Variants in PAN3 observed in about 807,000 individuals in gnomAD.
The protein encoded by PAN3 is PAN2-PAN3 deadenylation complex subunit PAN3.
In PAN3, 19 loss-of-function variants were observed where a neutral mutation model predicts 96.2. The ratio of observed to expected loss-of-function variants is 0.20; its 90% confidence interval spans 0.14 to 0.29. The LOEUF (loss-of-function observed/expected upper bound fraction) is 0.29, where lower values mean the gene tolerates loss of function less well. PAN3 is among the 10% of genes least tolerant of loss of function. The pLI is 1.00. For synonymous variants in PAN3, 433 were observed against 406.6 expected, an observed-to-expected ratio of 1.06 and a Z score of -0.78; for missense variants, 882 against 1,108.1, an observed-to-expected ratio of 0.80 and a Z score of 2.90.
Position 28,197,469 on chromosome 13 carries a change from A to C in PAN3, c.852+123A>C, listed in dbSNP as rs1418448484. ...AGCTGGTATACTTAGGTAATTAAAA[A>C]AATTTTTAATCAGAATAAAGTTAGT... On this transcript the variant is annotated intron_variant, in intron 5 of 18. Coordinates refer to ENST00000380958, the MANE Select transcript of PAN3 (RefSeq NM_175854.8). 4 of 928,134 alleles carry C rather than the reference A, an allele frequency of 4.3e-6. No homozygotes were observed. In the East Asian group the frequency reaches 1.1e-4, roughly 26 times the overall value. 57.5% of individuals were successfully genotyped at this position (928,134 alleles called of 1,614,324 possible).
intron 6 of PAN3, among the ~76,000 whole-genome samples, chr13:28,225,856 C>T (rs1881944814): frequency 1.3e-5 from 2 of 152,156 alleles, no homozygotes; most frequent in South Asian, 2.1e-4. Flanking sequence ...GACAAGGTGG[C>T]GTCAGGCAAC....
chr13:28,163,747 A>G (rs1388290648), intron 1 of PAN3, among the ~76,000 whole-genome samples: 2 of 152,144 alleles, frequency 1.3e-5, no homozygotes, highest in African/African-American at 4.8e-5. Context: ...ACTGGAGGAG[A>G]AAGTTCAATC....
chr13:28,236,519 GA>G (rs146997638), intron 6 of PAN3, among the ~76,000 whole-genome samples: 2 of 152,132 alleles, frequency 1.3e-5, no homozygotes, highest in East Asian at 1.9e-4. Context: ...GGATGTAAAG[GA>G]AAAAACTTTC....
intron 1 of PAN3, among the ~76,000 whole-genome samples, chr13:28,159,225 G>C (rs1303962090): frequency 6.6e-6 from 1 of 152,154 alleles, no homozygotes; most frequent in East Asian, 1.9e-4. Flanking sequence ...TGGTAGACCA[G>C]ATAAAGAAAA....
At chr13:28,216,811 A>G (rs1465291659) in intron 5 of PAN3, among the ~76,000 whole-genome samples, 1 of 138,226 alleles carries the variant, frequency 7.2e-6, no homozygotes, top group African/African-American at 3.2e-5. Flanking sequence ...TTGTCTTTCC[A>G]TCTAATTAAA....
intron 5 of PAN3, among the ~76,000 whole-genome samples, chr13:28,210,763 C>A (rs981350934): frequency 2.0e-5 from 3 of 151,974 alleles, no homozygotes; most frequent in Non-Finnish European, 4.4e-5. Context: ...ACAAAAAAAA[C>A]CTTATGTGAA....
At chr13:28,225,750 G>A (rs1287323606) in intron 6 of PAN3, among the ~76,000 whole-genome samples, 1 of 151,432 alleles carries the variant, frequency 6.6e-6, no homozygotes, top group East Asian at 1.9e-4. Flanking sequence ...TTGCTGAATG[G>A]GAAAAAAAAA....
At chr13:28,245,195 A>G (rs1414355914) in intron 6 of PAN3, among the ~76,000 whole-genome samples, 1 of 152,192 alleles carries the variant, frequency 6.6e-6, no homozygotes, top group Admixed American at 6.6e-5. Context: ...TTGAGCTAGC[A>G]TCATAATTTT....
intron 5 of PAN3, chr13:28,215,565 A>G (rs1880643704): frequency 2.8e-6 from 2 of 726,822 alleles, no homozygotes; most frequent in East Asian, 2.7e-5. Flanking sequence ...TTCAGGCTAA[A>G]TCAGTGCTGT....
At chr13:28,141,383 T>A (rs1414692445) in intron 1 of PAN3, among the ~76,000 whole-genome samples, 2 of 151,796 alleles carry the variant, frequency 1.3e-5, no homozygotes, top group African/African-American at 4.8e-5. Context: ...AAAAAACTTT[T>A]AAAGTTTTAT....
At chr13:28,267,273 T>C (rs1312631671) in intron 11 of PAN3, 27 bp from the exon 12 acceptor site, 8 of 1,612,206 alleles carry the variant, frequency 5.0e-6, no homozygotes, top group Non-Finnish European at 6.8e-6. Flanking sequence ...CAGCTTTCAG[T>C]AATGAGTGTT....
At chr13:28,220,088 A>G in intron 5 of PAN3, 143 bp from the exon 6 acceptor site, 1 of 779,082 alleles carries the variant, frequency 1.3e-6, no homozygotes. Flanking sequence ...TGACACACCA[A>G]AATATGGAAC....
intron 9 of PAN3, 39 bp downstream of exon 9, chr13:28,261,497 GT>G: frequency 6.4e-7 from 1 of 1,554,908 alleles, no homozygotes; most frequent in Non-Finnish European, 8.8e-7. Context: ...TTTAAAGGCT[GT>G]TATAATTCTT....
At chr13:28,145,626 C>T (rs975135814) in intron 1 of PAN3, among the ~76,000 whole-genome samples, 1 of 151,938 alleles carries the variant, frequency 6.6e-6, no homozygotes, top group African/African-American at 2.4e-5. Flanking sequence ...TGTGCCTAGC[C>T]TAATTTGTTT....
chr13:28,138,499 C>T, upstream of PAN3: 1 of 237,354 alleles, frequency 4.2e-6, no homozygotes, highest in Non-Finnish European at 8.1e-6. Context: ...CCTCTCCCCT[C>T]CCCCTTCTCC....
At chr13:28,194,850 A>C (rs567376163) in intron 4 of PAN3, among the ~76,000 whole-genome samples, 25 of 152,308 alleles carry the variant, frequency 1.6e-4, no homozygotes, top group African/African-American at 6.0e-4. Context: ...CTATTTGAAC[A>C]CAAAAATGTA....
At chr13:28,262,507 A>G (rs1806743145) in intron 9 of PAN3, among the ~76,000 whole-genome samples, 1 of 152,230 alleles carries the variant, frequency 6.6e-6, no homozygotes, top group Non-Finnish European at 1.5e-5. Flanking sequence ...TTTCCAGGTA[A>G]GGTGGGAAGG....
intron 6 of PAN3, among the ~76,000 whole-genome samples, chr13:28,223,730 A>G (rs546465522): frequency 9.9e-5 from 15 of 152,112 alleles, no homozygotes; most frequent in Non-Finnish European, 2.2e-4. Context: ...TTTAAGTAAC[A>G]CATAGCCTAA....
chr13:28,146,876 G>A (rs1303217207), intron 1 of PAN3, among the ~76,000 whole-genome samples: 1 of 152,096 alleles, frequency 6.6e-6, no homozygotes, highest in African/African-American at 2.4e-5. Flanking sequence ...TAGGGAGGCT[G>A]AGGCAGGAGA....
Sources: gnomAD v4.1 joint callset for allele counts (sites outside exome capture counted in the v4.1 genomes callset) on GRCh38, gnomAD v4.1.1 for gene constraint, MANE v1.5 for transcripts, NCBI Gene and HGNC (gene_info 2026-07-23, HGNC 2026-07-21) for gene names.